The following XKR6 variants were observed in gnomAD, a reference collection of about 807,000 sequenced individuals.
XKR6 encodes XK related 6, also known as XK-related protein 6.
A neutral mutation model predicts 56.7 loss-of-function variants in XKR6; 22 were observed. That is an observed-to-expected ratio of 0.39 (90% CI 0.28 to 0.55). The LOEUF (loss-of-function observed/expected upper bound fraction) is 0.55, where lower values mean the gene tolerates loss of function less well. Among genes scored for constraint, XKR6 ranks in the 20% least tolerant of loss-of-function variants. XKR6 has a pLI of 0.66. For missense variants in XKR6, 852 were observed against 889.0 expected (o/e 0.96, Z 0.53); for synonymous variants, 524 against 387.8 (o/e 1.35, Z -4.13).
chr8:10,994,626 C>T (rs893296542), intron 1 of XKR6, among the ~76,000 whole-genome samples: 3 of 152,272 alleles, frequency 2.0e-5, no homozygotes, highest in South Asian at 2.1e-4. Flanking sequence ...CAGGTGTCTC[C>T]GAGCCTTAAG....
At chr8:11,039,341 T>G (rs1409773801) in intron 1 of XKR6, among the ~76,000 whole-genome samples, 2 of 151,660 alleles carry the variant, frequency 1.3e-5, no homozygotes, top group Non-Finnish European at 2.9e-5. Context: ...CTACAAAGAG[T>G]GGCTGGGCAA....
In XKR6 at chr8:11,094,979, C is replaced by T. The variant is rs371265257; in HGVS notation, c.764+105597G>A. On this transcript the variant is annotated intron_variant, in intron 1 of 2. Transcript: ENST00000416569. ...GGATGCTCTGTGAAGCAAACCACCA[C>T]GGCACATGCTAACCTATGTAACAAA... Among the ~76,000 whole-genome samples the T allele has an allele frequency of 9.2e-5, 14 of 152,254 alleles. No individual in the cohort carries two copies. The South Asian group carries it at 1.0e-3, about 11-fold the overall frequency.
intron 1 of XKR6, among the ~76,000 whole-genome samples, chr8:11,024,413 C>A (rs1380381890): frequency 1.3e-5 from 2 of 152,142 alleles, no homozygotes; most frequent in African/African-American, 4.8e-5. Context: ...TATGACAGAA[C>A]CCATGATGTA....
intron 1 of XKR6, chr8:11,108,131 T>C (rs926376456): frequency 5.7e-6 from 2 of 351,764 alleles, no homozygotes; most frequent in Non-Finnish European, 1.1e-5. Flanking sequence ...GGGACCCGTG[T>C]GTTGAAACAC....
At position 10,915,835 on chromosome 8, in the gene XKR6, G is replaced by C. The variant is rs545917602; in HGVS notation, c.961+8799C>G. On this transcript the variant is annotated intron_variant, in intron 2 of 2. Coordinates refer to ENST00000416569, the MANE Select transcript of XKR6 (RefSeq NM_173683.4). ...GGAGAGACCAAGCCCATGTTCTAGCGGGAGGAGGCAGGTAGGTCTGTGCTG... is the reference window on the plus strand; with the variant it reads ...GGAGAGACCAAGCCCATGTTCTAGCCGGAGGAGGCAGGTAGGTCTGTGCTG... Among the ~76,000 whole-genome samples the C allele has an allele frequency of 3.7e-4, 57 of 152,328 alleles. 1 individual carries two copies. The highest frequency in any genetic ancestry group is 1.3e-3 in the African/African-American group (53 of 41,572).
chr8:11,035,135 C>A lies in XKR6; in HGVS notation c.765-110305G>T, dbSNP rs866886518. On this transcript the variant is annotated intron_variant, in intron 1 of 2. Transcript: ENST00000416569. Reference sequence around the variant, plus strand: ...TTACCTTAAAGGGCTGCCATGAGGTCGAAAGACAAACTATGACAAACAGCC... The same window carrying A: ...TTACCTTAAAGGGCTGCCATGAGGTAGAAAGACAAACTATGACAAACAGCC... 1.2e-5 allele frequency: 6 copies of A among 519,104 alleles called. No homozygotes were observed. The East Asian group carries it at 3.4e-4, about 30-fold the overall frequency. 32.2% of individuals were successfully genotyped at this position (519,104 alleles called of 1,614,324 possible).
intron 1 of XKR6, among the ~76,000 whole-genome samples, chr8:10,997,792 C>T (rs1798148133): frequency 6.6e-6 from 1 of 152,140 alleles, no homozygotes; most frequent in African/African-American, 2.4e-5. Context: ...TGTCTCCCAT[C>T]CCTCCCAGAG....
chr8:10,942,091 T>A (rs982851313), intron 1 of XKR6, among the ~76,000 whole-genome samples: 1 of 152,176 alleles, frequency 6.6e-6, no homozygotes, highest in Non-Finnish European at 1.5e-5. Flanking sequence ...CCTGGGAGGA[T>A]GCAGGTGCAC....
intron 1 of XKR6, among the ~76,000 whole-genome samples, chr8:11,047,599 GA>G (rs1268107177): frequency 6.6e-6 from 1 of 152,216 alleles, no homozygotes; most frequent in East Asian, 1.9e-4. Flanking sequence ...AAAGTAGAAT[GA>G]GGGTTGCCAG....
At position 11,053,140 on chromosome 8, in the gene XKR6, G is replaced by A. The variant is rs189042080; in HGVS notation, c.765-128310C>T. ...TCCTTCTGAGCCCCGCAGACACTGC[G>A]CAGGAGCAGCAGGCTGGGATCCGCT... is the stretch of plus-strand genomic sequence containing the variant. On this transcript the variant is annotated intron_variant, in intron 1 of 2. Transcript: ENST00000416569. Among the ~76,000 whole-genome samples, 268 of 152,350 alleles carry A rather than the reference G, an allele frequency of 1.8e-3. 2 individuals carry two copies. Among genetic ancestry groups the A allele is most frequent in the Admixed American group, 0.014 (208 of 15,304 alleles).
At chr8:10,925,580 G>A (rs1469105942) in intron 1 of XKR6, among the ~76,000 whole-genome samples, 1 of 152,180 alleles carries the variant, frequency 6.6e-6, no homozygotes. Flanking sequence ...TGTGTGGGAG[G>A]GCTGAGGGGC....
intron 1 of XKR6, among the ~76,000 whole-genome samples, chr8:10,966,874 C>A (rs7013277): frequency 0.42 from 63,898 of 151,720 alleles, 14,555 homozygotes; most frequent in African/African-American, 0.58. Context: ...CCTGACGAGC[C>A]CTTCCAGTAA....
intron 1 of XKR6, among the ~76,000 whole-genome samples, chr8:10,944,968 C>T (rs1362717353): frequency 1.3e-5 from 2 of 152,204 alleles, no homozygotes; most frequent in Non-Finnish European, 2.9e-5. Flanking sequence ...CACCCTGAGG[C>T]TTCTGGGAAC....
intron 1 of XKR6, among the ~76,000 whole-genome samples, chr8:11,016,840 T>C (rs1454737533): frequency 1.3e-5 from 2 of 152,236 alleles, no homozygotes; most frequent in African/African-American, 4.8e-5. Flanking sequence ...TCTCCTCTTC[T>C]GTTTTTCCAG....
At chr8:11,098,745 C>T (rs1798355663) in intron 1 of XKR6, among the ~76,000 whole-genome samples, 3 of 152,058 alleles carry the variant, frequency 2.0e-5, no homozygotes, top group African/African-American at 7.2e-5. Context: ...AAATCTTGTT[C>T]CCTTAACTAT....
intron 1 of XKR6, among the ~76,000 whole-genome samples, chr8:11,034,824 T>A (rs1464272168): frequency 6.6e-6 from 1 of 152,138 alleles, no homozygotes; most frequent in Non-Finnish European, 1.5e-5. Flanking sequence ...CTGTGCTCTG[T>A]CCCCACCCAG....
At chr8:11,101,875 C>G (rs971011162) in intron 1 of XKR6, among the ~76,000 whole-genome samples, 1 of 152,082 alleles carries the variant, frequency 6.6e-6, no homozygotes, top group Admixed American at 6.6e-5. Flanking sequence ...CATCTAGAAA[C>G]GCTCTCCTTC....
intron 1 of XKR6, among the ~76,000 whole-genome samples, chr8:11,008,080 G>A (rs1453596568): frequency 6.6e-6 from 1 of 152,182 alleles, no homozygotes; most frequent in Non-Finnish European, 1.5e-5. Context: ...GGCAGTGAAG[G>A]ACCTCACCTG....
chr8:10,951,046 T>G (rs766373050), intron 1 of XKR6, among the ~76,000 whole-genome samples: 8 of 152,132 alleles, frequency 5.3e-5, no homozygotes, highest in Non-Finnish European at 1.0e-4. Context: ...TCCTGTGCTT[T>G]CCAAATTGTC....
Sources: allele counts gnomAD v4.1 joint callset (sites outside exome capture counted in the v4.1 genomes callset), GRCh38; gene constraint gnomAD v4.1.1; transcripts MANE v1.5; gene names NCBI Gene and HGNC (gene_info 2026-07-23, HGNC 2026-07-21).